DAZL: variants seen among roughly 807,000 people sequenced by gnomAD.
DAZL encodes the protein deleted in azoospermia-like.
In DAZL, 4 loss-of-function variants were observed where a neutral mutation model predicts 45.0. That is an observed-to-expected ratio of 0.09 (90% confidence interval 0.04 to 0.20). DAZL has a LOEUF of 0.20. DAZL is among the 10% of genes least tolerant of loss of function. The pLI is 1.00. For synonymous variants in DAZL, 122 were observed against 112.4 expected, an observed-to-expected ratio of 1.09 and a Z score of -0.54; for missense variants, 326 against 351.3, an observed-to-expected ratio of 0.93 and a Z score of 0.58.
intron 1 of DAZL, among the ~76,000 whole-genome samples, chr3:16,603,888 T>C (rs1694732977): frequency 6.6e-6 from 1 of 152,154 alleles, no homozygotes; most frequent in Non-Finnish European, 1.5e-5. Context: ...TACCAAAATT[T>C]AACGGTTATA....
chr3:16,604,799 G>A (rs1023277945), intron 1 of DAZL: 25 of 1,346,216 alleles, frequency 1.9e-5, no homozygotes, highest in Admixed American at 6.4e-5. Flanking sequence ...GTGGGGGAGG[G>A]GCGGAGGCGC....
intron 1 of DAZL, chr3:16,604,888 GTA>G (rs1417110797): frequency 1.9e-5 from 14 of 719,374 alleles, no homozygotes; most frequent in Admixed American, 3.0e-5. Context: ...ACCTCTGCCA[GTA>G]GAGAACCCGA....
chr3:16,588,435 C>G lies in DAZL; in HGVS notation c.*225G>C, dbSNP rs941744501. On this transcript the variant is annotated 3_prime_UTR_variant, in exon 11 of 11. Coordinates refer to ENST00000399444, the MANE Select transcript of DAZL (RefSeq NM_001351.4). Reference sequence around the variant, plus strand: ...CAGATAAATCTTAGTTTCTTTCAGTCTCAATTATTTTTTTACTTTCAACTA... The same window carrying G: ...CAGATAAATCTTAGTTTCTTTCAGTGTCAATTATTTTTTTACTTTCAACTA... The G allele has an allele frequency of 5.4e-6, 2 of 372,226 alleles. No individual in the cohort carries two copies. Among genetic ancestry groups the G allele is most frequent in the Non-Finnish European group, 1.0e-5 (2 of 198,332 alleles). 23.1% of individuals were successfully genotyped at this position (372,226 alleles called of 1,614,324 possible). A position where few individuals can be genotyped will look rare whatever the true frequency, so the allele number is the denominator to read the frequency against.
At chr3:16,602,524 G>A (rs1393097719) in intron 1 of DAZL, among the ~76,000 whole-genome samples, 1 of 151,928 alleles carries the variant, frequency 6.6e-6, no homozygotes, top group East Asian at 1.9e-4. Context: ...TTTCAAAGAG[G>A]AAAAAAGTAT....
chr3:16,594,456 ACAAT>A, intron 8 of DAZL, 73 bp downstream of exon 8: 2 of 1,098,152 alleles, frequency 1.8e-6, no homozygotes, highest in Non-Finnish European at 1.3e-6. Context: ...GACATGGAAA[ACAAT>A]CAAGAAATAT....
chr3:16,592,073 C>G lies in DAZL; in HGVS notation c.811G>C (p.Val271Leu). The change falls in exon 10 of 11, where the codon GTT becomes CTT. Residue 271 changes from valine (V) to leucine (L), a missense_variant. Transcript: ENST00000399444. ...ACCTTGAAGTAGTCATCTTGAGTAA[C>G]AACAGAGTTTCTCAGTCTGTTCTCT... is the stretch of plus-strand genomic sequence containing the variant. Reference protein sequence around the residue: ...NPENRLRNSVVTQDDYFKDKR... With the variant: ...NPENRLRNSVLTQDDYFKDKR... 6.2e-7 allele frequency: 1 copy of G among 1,613,592 alleles called. No individual in the cohort carries two copies. Among genetic ancestry groups the G allele is most frequent in the Non-Finnish European group, 8.5e-7 (1 of 1,179,632 alleles).
In DAZL at chr3:16,605,090, C is replaced by T. The variant is rs954642407; in HGVS notation, c.3+113G>A. 4.7e-5 allele frequency: 64 copies of T among 1,365,594 alleles called. No individual in the cohort carries two copies. The Admixed American group carries it at 7.0e-4, about 15-fold the overall frequency. 84.6% of individuals were successfully genotyped at this position (1,365,594 alleles called of 1,614,324 possible). ...GGCTGTGGTGCGTCCAGGCAGGTGCCCCCCAAACAGGAAAGCCGAGGATGA... is the reference window on the plus strand; with the variant it reads ...GGCTGTGGTGCGTCCAGGCAGGTGCTCCCCAAACAGGAAAGCCGAGGATGA... On this transcript the variant is annotated intron_variant, in intron 1 of 10. Transcript: ENST00000399444.
In DAZL at chr3:16,593,756, C is replaced by T. The variant is rs1694556458; in HGVS notation, c.634G>A (p.Val212Ile). Residue 212 changes from valine (V) to isoleucine (I), a missense_variant, in exon 9 of 11, where the codon GTT becomes ATT. By Grantham distance (29) the Val-to-Ile change is conservative. Coordinates refer to ENST00000399444, the MANE Select transcript of DAZL (RefSeq NM_001351.4). The part of the protein sequence containing the change: ...SYVVPPAYSA[V>I]NYHCNEVDPG... ...TCAACTTCATTACAGTGGTAGTTAA[C>T]AGCTGAATAAGCCTATATTTAAAAT... The T allele has an allele frequency of 5.0e-6, 8 of 1,605,182 alleles. No individual in the cohort carries two copies. The highest frequency in any genetic ancestry group is 6.8e-6 in the Non-Finnish European group (8 of 1,172,496).
chr3:16,594,640 A>G, intron 7 of DAZL, 57 bp from the exon 8 acceptor site: 2 of 1,281,790 alleles, frequency 1.6e-6, no homozygotes, highest in Middle Eastern at 2.5e-4. Flanking sequence ...AAATTTTCAA[A>G]AACACACGAG....
intron 1 of DAZL, among the ~76,000 whole-genome samples, chr3:16,604,028 TTATAA>T (rs1325952170): frequency 2.1e-4 from 32 of 152,236 alleles, no homozygotes; most frequent in Non-Finnish European, 3.8e-4. Context: ...ATGAAAAGTG[TTATAA>T]TAAATAATTA....
intron 10 of DAZL, among the ~76,000 whole-genome samples, chr3:16,591,818 T>C (rs73035062): frequency 0.19 from 28,433 of 152,124 alleles, 3,449 homozygotes; most frequent in African/African-American, 0.34. Context: ...CCCTTTCAAT[T>C]ACAAATTTCT....
intron 1 of DAZL, chr3:16,604,567 G>C: frequency 1.1e-5 from 16 of 1,429,092 alleles, no homozygotes; most frequent in African/African-American, 1.5e-5. Flanking sequence ...AGCCCCCTCA[G>C]CTACAGGGCC....
intron 1 of DAZL, among the ~76,000 whole-genome samples, chr3:16,599,906 A>G (rs1284191213): frequency 6.6e-6 from 1 of 152,242 alleles, no homozygotes; most frequent in Non-Finnish European, 1.5e-5. Flanking sequence ...TGCTTTGAGA[A>G]GGAAATGAGA....
chr3:16,602,409 G>A (rs1694704697), intron 1 of DAZL, among the ~76,000 whole-genome samples: 2 of 152,130 alleles, frequency 1.3e-5, no homozygotes, highest in Admixed American at 1.3e-4. Context: ...GATAACTTGG[G>A]TGTATGTTTG....
intron 6 of DAZL, among the ~76,000 whole-genome samples, chr3:16,596,418 A>G (rs1377128834): frequency 1.3e-5 from 2 of 152,084 alleles, no homozygotes; most frequent in African/African-American, 2.4e-5. Context: ...TGATTTGCTA[A>G]CCTTAGAGAA....
rs758922135 is a variant in DAZL, at chr3:16,593,651, T to C, written c.735+4A>G. ...AATATATATAAACAAAATTAGATGTTTGCCTTTTGTGGGCCATTTCCAGAG... is the reference window on the plus strand; with the variant it reads ...AATATATATAAACAAAATTAGATGTCTGCCTTTTGTGGGCCATTTCCAGAG... On this transcript the variant is annotated splice_donor_region_variant and intron_variant, in intron 9 of 10. Coordinates refer to ENST00000399444, the MANE Select transcript of DAZL (RefSeq NM_001351.4). 23 of 1,576,726 alleles carry C rather than the reference T, an allele frequency of 1.5e-5. No homozygotes were observed. Among genetic ancestry groups the C allele is most frequent in the Middle Eastern group, 1.7e-4 (1 of 6,014 alleles).
chr3:16,594,531 A>G lies in DAZL; in HGVS notation c.621+2T>C, dbSNP rs1694567862. On this transcript the variant is annotated splice_donor_variant, in intron 8 of 10. Transcript: ENST00000399444. LOFTEE classifies it high-confidence loss of function. ...ATTATATGTTTGGCTAATTCACTTT[A>G]CCGGAGGTACAACATAGCTCCTTTG... The G allele has an allele frequency of 6.3e-7, 1 of 1,591,472 alleles. No homozygotes were observed. Among genetic ancestry groups the G allele is most frequent in the Non-Finnish European group, 8.6e-7 (1 of 1,169,402 alleles).
intron 10 of DAZL, 143 bp from the exon 11 acceptor site, chr3:16,588,856 A>G (rs1463423851): frequency 1.6e-5 from 11 of 677,898 alleles, no homozygotes; most frequent in Admixed American, 1.6e-4. Context: ...CTTTTTGAGA[A>G]GCATTCTTGA....
chr3:16,588,369 G>T lies in DAZL; in HGVS notation c.*291C>A, dbSNP rs571416322. ...AACATTTTTTTGAAAATCAGTATTTGCTTTTAAACACTTAAAATGCCAATT... is the reference window on the plus strand; with the variant it reads ...AACATTTTTTTGAAAATCAGTATTTTCTTTTAAACACTTAAAATGCCAATT... On this transcript the variant is annotated 3_prime_UTR_variant, in exon 11 of 11. Coordinates refer to ENST00000399444, the MANE Select transcript of DAZL (RefSeq NM_001351.4). The T allele has an allele frequency of 2.2e-4, 77 of 344,572 alleles. No individual in the cohort carries two copies. The highest frequency in any genetic ancestry group is 1.6e-3 in the African/African-American group (76 of 47,724). 21.3% of individuals were successfully genotyped at this position (344,572 alleles called of 1,614,324 possible).
Sources: allele counts gnomAD v4.1 joint callset (sites outside exome capture counted in the v4.1 genomes callset), GRCh38; gene constraint gnomAD v4.1.1; transcripts MANE v1.5; gene names NCBI Gene and HGNC (gene_info 2026-07-23, HGNC 2026-07-21).